ITGBL1: variants seen among roughly 807,000 people sequenced by gnomAD.
ITGBL1 encodes the protein integrin beta-like protein 1.
In ITGBL1, 51 loss-of-function variants were observed where a neutral mutation model predicts 68.5. The observed-to-expected ratio is 0.74, with a 90% confidence interval of 0.59 to 0.94. The LOEUF (loss-of-function observed/expected upper bound fraction) is 0.94, where lower values mean the gene tolerates loss of function less well. Among genes scored for constraint, ITGBL1 ranks in the 40% least tolerant of loss-of-function variants. The pLI, the probability that ITGBL1 is intolerant of heterozygous loss-of-function variation, is 0.00. For synonymous variants in ITGBL1, 209 were observed against 227.3 expected, an observed-to-expected ratio of 0.92 and a Z score of 0.72; for missense variants, 649 against 647.4, an observed-to-expected ratio of 1.00 and a Z score of -0.03.
intron 7 of ITGBL1, among the ~76,000 whole-genome samples, chr13:101,683,256 A>T (rs2033682906): frequency 6.6e-6 from 1 of 152,036 alleles, no homozygotes; most frequent in Non-Finnish European, 1.5e-5. Flanking sequence ...ACCTGTCTTT[A>T]AAGTTTTCCG....
chr13:101,626,390 A>G (rs2031780023), intron 7 of ITGBL1, among the ~76,000 whole-genome samples: 1 of 152,232 alleles, frequency 6.6e-6, no homozygotes, highest in Non-Finnish European at 1.5e-5. Context: ...GAAAAATGTC[A>G]TTGTAAGTGA....
At chr13:101,590,524 T>C (rs1246339207) in intron 6 of ITGBL1, among the ~76,000 whole-genome samples, 1 of 152,192 alleles carries the variant, frequency 6.6e-6, no homozygotes, top group Non-Finnish European at 1.5e-5. Flanking sequence ...GCTAGATGTA[T>C]TGTTCTAACC....
At chr13:101,488,360 T>C (rs74909538) in intron 2 of ITGBL1, among the ~76,000 whole-genome samples, 3,155 of 152,342 alleles carry the variant, frequency 0.021, 42 homozygotes, top group Non-Finnish European at 0.031. Flanking sequence ...GAAGACTGCA[T>C]GGCACTTCCA....
At chr13:101,645,893 C>T (rs1203483709) in intron 7 of ITGBL1, among the ~76,000 whole-genome samples, 1 of 152,094 alleles carries the variant, frequency 6.6e-6, no homozygotes. Context: ...GGGAAAAATC[C>T]TAGTATTTAG....
chr13:101,641,338 A>T (rs1025157566), intron 7 of ITGBL1, among the ~76,000 whole-genome samples: 4 of 152,122 alleles, frequency 2.6e-5, no homozygotes, highest in African/African-American at 9.7e-5. Flanking sequence ...AGAAATAAAC[A>T]TATATTTCTT....
At position 101,474,738 on chromosome 13, in the gene ITGBL1, A is replaced by C. The variant is rs1208320128; in HGVS notation, c.316+20638A>C. ...AGATCAGTGTGAAAAGAGAGACTAC[A>C]TTTGTTTGGAGGAAAGTAAGGGAAG... is the stretch of plus-strand genomic sequence containing the variant. On this transcript the variant is annotated intron_variant, in intron 2 of 10. Transcript: ENST00000376180. 2.0e-5 allele frequency among the ~76,000 whole-genome samples: 3 copies of C among 152,124 alleles called. No individual in the cohort carries two copies. In the East Asian group the frequency reaches 5.8e-4, roughly 29 times the overall value.
intron 6 of ITGBL1, among the ~76,000 whole-genome samples, chr13:101,596,186 T>G (rs916830392): frequency 1.3e-5 from 2 of 151,848 alleles, no homozygotes; most frequent in Non-Finnish European, 2.9e-5. Context: ...AAGCCAGACA[T>G]AGACAAAAAA....
chr13:101,720,155 A>G (rs1310046311), downstream of ITGBL1: 1 of 152,106 alleles, frequency 6.6e-6, no homozygotes, highest in Non-Finnish European at 1.5e-5. Flanking sequence ...TTTGTATGCA[A>G]ATTAGCAATA....
At position 101,583,216 on chromosome 13, in the gene ITGBL1, G is replaced by T. The variant is rs1397647826; in HGVS notation, c.728G>T (p.Gly243Val). Residue 243 changes from glycine to valine, a missense_variant and splice_region_variant, in exon 6 of 11, where the codon GGG becomes GTG. Transcript: ENST00000376180. ...TTATAAAATTCTTCTTCCCACCTAGGGACTTGTGTATGTGGTGAATGTACC... is the reference window on the plus strand; with the variant it reads ...TTATAAAATTCTTCTTCCCACCTAGTGACTTGTGTATGTGGTGAATGTACC... ...SPDGKICSNR[G>V]TCVCGECTCH... 6.8e-6 allele frequency: 11 copies of T among 1,612,974 alleles called. No homozygotes were observed. In the South Asian group the frequency reaches 1.1e-4, roughly 16 times the overall value.
At chr13:101,705,683 T>G (rs1594996387) in intron 8 of ITGBL1, among the ~76,000 whole-genome samples, 2 of 152,184 alleles carry the variant, frequency 1.3e-5, no homozygotes, top group South Asian at 4.1e-4. Flanking sequence ...ATCCTCCCTG[T>G]GGAGAGCTGA....
intron 4 of ITGBL1, among the ~76,000 whole-genome samples, chr13:101,577,284 A>G (rs1284042338): frequency 1.3e-5 from 2 of 152,218 alleles, no homozygotes; most frequent in Non-Finnish European, 2.9e-5. Flanking sequence ...TCAGTGAAGT[A>G]GTACAAATAG....
At chr13:101,693,612 A>G (rs372442447) in intron 8 of ITGBL1, among the ~76,000 whole-genome samples, 16 of 137,902 alleles carry the variant, frequency 1.2e-4, no homozygotes, top group Admixed American at 4.7e-4. Flanking sequence ...CATCCATCCT[A>G]TCTGTCTGTC....
intron 2 of ITGBL1, among the ~76,000 whole-genome samples, chr13:101,485,669 G>A (rs1163137102): frequency 3.3e-5 from 5 of 152,224 alleles, no homozygotes; most frequent in East Asian, 1.9e-4. Flanking sequence ...GCAGGCGCCC[G>A]TAGTCCCAGC....
chr13:101,688,952 A>G (rs1322190767), intron 7 of ITGBL1, among the ~76,000 whole-genome samples: 1 of 152,006 alleles, frequency 6.6e-6, no homozygotes, highest in East Asian at 1.9e-4. Context: ...TGATCCCAGC[A>G]CTTTGGGAGG....
At chr13:101,605,526 A>T (rs1044658810) in intron 7 of ITGBL1, among the ~76,000 whole-genome samples, 3 of 150,168 alleles carry the variant, frequency 2.0e-5, no homozygotes, top group Non-Finnish European at 4.4e-5. Flanking sequence ...ATATAGACAT[A>T]TGTATATGCG....
intron 2 of ITGBL1, among the ~76,000 whole-genome samples, chr13:101,496,172 A>G (rs759946170): frequency 1.3e-5 from 2 of 152,168 alleles, no homozygotes; most frequent in Non-Finnish European, 1.5e-5. Context: ...TTGCAAAACA[A>G]CAGATAGTGC....
intron 6 of ITGBL1, among the ~76,000 whole-genome samples, chr13:101,588,892 T>C (rs775588297): frequency 6.6e-6 from 1 of 152,156 alleles, no homozygotes; most frequent in African/African-American, 2.4e-5. Flanking sequence ...ACAAGAAAAG[T>C]TGCAATTTTG....
chr13:101,700,823 G>A (rs899645904), intron 8 of ITGBL1, among the ~76,000 whole-genome samples: 3 of 152,138 alleles, frequency 2.0e-5, no homozygotes, highest in Non-Finnish European at 4.4e-5. Context: ...AACATTGGCT[G>A]TCTGGCTCCT....
At chr13:101,623,859 T>G (rs1461073972) in intron 7 of ITGBL1, among the ~76,000 whole-genome samples, 1 of 152,186 alleles carries the variant, frequency 6.6e-6, no homozygotes, top group Non-Finnish European at 1.5e-5. Flanking sequence ...GTATACCTTC[T>G]GGCCTTCTGG....
Sources: gnomAD v4.1 joint callset for allele counts (sites outside exome capture counted in the v4.1 genomes callset) on GRCh38, gnomAD v4.1.1 for gene constraint, MANE v1.5 for transcripts, NCBI Gene and HGNC (gene_info 2026-07-23, HGNC 2026-07-21) for gene names.